Variants in HECW1 observed in about 807,000 individuals in gnomAD.
The protein encoded by HECW1 is HECT, C2 and WW domain containing E3 ubiquitin protein ligase 1.
In HECW1, 61 loss-of-function variants were observed where a neutral mutation model predicts 182.3. The observed-to-expected ratio is 0.33, with a 90% CI of 0.27 to 0.41. The LOEUF (loss-of-function observed/expected upper bound fraction) is 0.41, where lower values mean the gene tolerates loss of function less well. Among genes scored for constraint, HECW1 ranks in the 10% least tolerant of loss-of-function variants. The pLI, the probability that HECW1 is intolerant of heterozygous loss-of-function variation, is 1.00. For synonymous variants in HECW1, 859 were observed against 832.6 expected, an observed-to-expected ratio of 1.03 and a Z score of -0.55; for missense variants, 1,739 against 2,108.9, an observed-to-expected ratio of 0.82 and a Z score of 3.44.
chr7:43,308,730 T>A (rs1053506840), intron 3 of HECW1, among the ~76,000 whole-genome samples: 7 of 152,104 alleles, frequency 4.6e-5, no homozygotes, highest in African/African-American at 1.7e-4. Flanking sequence ...CCAGCAATTC[T>A]CCTGCCTCAA....
chr7:43,408,751 T>G (rs181171998), intron 8 of HECW1, among the ~76,000 whole-genome samples: 66 of 152,204 alleles, frequency 4.3e-4, no homozygotes, highest in African/African-American at 1.4e-3. Context: ...GACCTGAGCT[T>G]GAAGCTATAA....
chr7:43,520,981 T>A (rs10263891), intron 24 of HECW1, among the ~76,000 whole-genome samples: 17,054 of 152,186 alleles, frequency 0.11, 1,201 homozygotes, highest in East Asian at 0.38. Flanking sequence ...ACCCTTCAGG[T>A]CCTGAGGCAG....
At chr7:43,409,000 A>G (rs1158478522) in intron 8 of HECW1, among the ~76,000 whole-genome samples, 1 of 152,100 alleles carries the variant, frequency 6.6e-6, no homozygotes, top group African/African-American at 2.4e-5. Context: ...TTTGGAGAGG[A>G]TTTCTTCCTT....
chr7:43,501,420 C>A (rs560779262), intron 21 of HECW1, 98 bp downstream of exon 21: 59 of 655,548 alleles, frequency 9.0e-5, no homozygotes, highest in Middle Eastern at 7.7e-4. Context: ...TGTTCTTTCT[C>A]TCGGCCTTCC....
chr7:43,419,170 C>T (rs1258818007), intron 8 of HECW1, among the ~76,000 whole-genome samples: 1 of 152,158 alleles, frequency 6.6e-6, no homozygotes, highest in Non-Finnish European at 1.5e-5. Flanking sequence ...TTGCCCCAGG[C>T]TTCTTTGCCT....
At chr7:43,359,522 A>G (rs1003625883) in intron 5 of HECW1, among the ~76,000 whole-genome samples, 6 of 152,224 alleles carry the variant, frequency 3.9e-5, no homozygotes, top group Admixed American at 3.9e-4. Context: ...GTTCTGTATA[A>G]TAAGTAATGT....
chr7:43,237,860 G>A (rs1584114494), intron 2 of HECW1, among the ~76,000 whole-genome samples: 2 of 150,580 alleles, frequency 1.3e-5, no homozygotes, highest in South Asian at 4.3e-4. Context: ...CTTGGAGCCT[G>A]CAAAAGCGCT....
rs535828295 is a variant in HECW1, at chr7:43,118,541, C to T, written c.-32+4150C>T. The stretch of plus-strand genomic sequence containing the variant: ...ATTCCTCATCCTCTTTCCTGTAACA[C>T]ACAGATGAGCTGAAGAAACCACAGG... On this transcript the variant is annotated intron_variant, in intron 2 of 29. Coordinates refer to ENST00000395891, the MANE Select transcript of HECW1 (RefSeq NM_015052.5). The T allele has an allele frequency of 4.6e-5, 7 of 152,376 alleles. No homozygotes were observed. The South Asian group carries it at 1.5e-3, about 32-fold the overall frequency. 9.4% of individuals were successfully genotyped at this position (152,376 alleles called of 1,614,324 possible). A position where few individuals can be genotyped will look rare whatever the true frequency, so the allele number is the denominator to read the frequency against.
intron 5 of HECW1, among the ~76,000 whole-genome samples, chr7:43,354,105 G>C (rs1420454500): frequency 2.6e-5 from 4 of 151,338 alleles, no homozygotes; most frequent in Non-Finnish European, 4.4e-5. Flanking sequence ...CAAAAAGGAG[G>C]CAATTATTTA....
chr7:43,249,431 T>G (rs1799802469), intron 3 of HECW1: 1 of 152,280 alleles, frequency 6.6e-6, no homozygotes, highest in African/African-American at 2.4e-5. Context: ...GCCTGCACTT[T>G]AAGAAGGCGC....
At chr7:43,478,694 A>AT (rs2078310487) in intron 16 of HECW1, among the ~76,000 whole-genome samples, 2 of 151,420 alleles carry the variant, frequency 1.3e-5, no homozygotes, top group Non-Finnish European at 1.5e-5. Flanking sequence ...AAAAATCAAA[A>AT]TTTTTTTTGA....
In HECW1 at chr7:43,322,991, A is replaced by G. The variant is rs891831171; in HGVS notation, c.460+2249A>G. On this transcript the variant is annotated intron_variant, in intron 5 of 29. Coordinates refer to ENST00000395891, the MANE Select transcript of HECW1 (RefSeq NM_015052.5). Reference sequence around the variant, plus strand: ...GAAGATAAATATTAAGGAAGAGGAAATCCTAGGTGGGAATTTCAATATACC... The same window carrying G: ...GAAGATAAATATTAAGGAAGAGGAAGTCCTAGGTGGGAATTTCAATATACC... Among the ~76,000 whole-genome samples the G allele has an allele frequency of 2.0e-5, 3 of 152,312 alleles. No homozygotes were observed. In the South Asian group the frequency reaches 6.2e-4, roughly 32 times the overall value.
intron 2 of HECW1, among the ~76,000 whole-genome samples, chr7:43,217,319 A>G (rs993090303): frequency 6.6e-6 from 1 of 152,200 alleles, no homozygotes; most frequent in Non-Finnish European, 1.5e-5. Context: ...TCAGTTAGCT[A>G]TGTATAAAAT....
intron 6 of HECW1, among the ~76,000 whole-genome samples, chr7:43,362,642 A>G (rs761735013): frequency 3.3e-5 from 5 of 152,242 alleles, no homozygotes; most frequent in African/African-American, 4.8e-5. Flanking sequence ...TTGAGGGTGG[A>G]GTGACAACTA....
chr7:43,312,210 C>A, intron 4 of HECW1, 123 bp downstream of exon 4: 1 of 848,056 alleles, frequency 1.2e-6, no homozygotes, highest in Non-Finnish European at 1.8e-6. Context: ...GATTCTAACA[C>A]ACTGAAGACC....
At chr7:43,528,787 G>A (rs1443404337) in intron 24 of HECW1, among the ~76,000 whole-genome samples, 4 of 152,162 alleles carry the variant, frequency 2.6e-5, no homozygotes, top group Non-Finnish European at 5.9e-5. Context: ...TTAGCAATCC[G>A]AAGATAATAT....
chr7:43,122,213 A>G (rs577050678), intron 2 of HECW1, among the ~76,000 whole-genome samples: 2 of 152,228 alleles, frequency 1.3e-5, no homozygotes, highest in African/African-American at 2.4e-5. Context: ...GAGCTTTCCC[A>G]GGTTCACAAG....
At chr7:43,423,728 A>T (rs1584859349) in intron 8 of HECW1, among the ~76,000 whole-genome samples, 1 of 152,118 alleles carries the variant, frequency 6.6e-6, no homozygotes, top group Non-Finnish European at 1.5e-5. Context: ...ACTCTTCCCA[A>T]CTCCACATTT....
At chr7:43,488,446 AAGAAAGAAAGAAAGAAAG>A (rs2078778971) in intron 17 of HECW1, among the ~76,000 whole-genome samples, 1 of 136,088 alleles carries the variant, frequency 7.3e-6, no homozygotes, top group African/African-American at 3.0e-5. Flanking sequence ...GAAAGAAAGA[AAGAAAGAAAGAAAGAAAG>A]AAAGAAAGAA....
Sources: allele counts gnomAD v4.1 joint callset (sites outside exome capture counted in the v4.1 genomes callset), GRCh38; gene constraint gnomAD v4.1.1; transcripts MANE v1.5; gene names NCBI Gene and HGNC (gene_info 2026-07-23, HGNC 2026-07-21).